Variants in PLA2G4E observed in about 807,000 individuals in gnomAD.
PLA2G4E encodes the protein phospholipase A2 group IVE.
In PLA2G4E, 84 loss-of-function variants were observed where a neutral mutation model predicts 109.1. That is an observed-to-expected ratio of 0.77 (90% CI 0.65 to 0.92). PLA2G4E has a LOEUF of 0.92. Ranked by LOEUF, PLA2G4E falls within the 40% of genes least tolerant of loss-of-function variation. The pLI, the probability that PLA2G4E is intolerant of heterozygous loss-of-function variation, is 0.00. For missense variants in PLA2G4E, 1,057 were observed against 1,076.6 expected (o/e 0.98, Z 0.25); for synonymous variants, 469 against 436.1 (o/e 1.08, Z -0.94).
intron 1 of PLA2G4E, among the ~76,000 whole-genome samples, chr15:42,028,016 T>C (rs2068707119): frequency 1.3e-5 from 2 of 152,256 alleles, no homozygotes; most frequent in South Asian, 4.1e-4. Flanking sequence ...TTGCCTGTCT[T>C]GTTCATCAGC....
At chr15:41,994,281 C>T (rs2068301141) in intron 12 of PLA2G4E, among the ~76,000 whole-genome samples, 1 of 133,012 alleles carries the variant, frequency 7.5e-6, no homozygotes, top group African/African-American at 2.9e-5. Context: ...TCTGTCTCAC[C>T]TGGGCTGGCG....
At chr15:41,995,459 G>T in exon 12 of PLA2G4E, 1 of 1,613,984 alleles carries the variant, frequency 6.2e-7, no homozygotes, top group Non-Finnish European at 8.5e-7. Flanking sequence ...CATGGATCTT[G>T]TTCCACCCCC....
intron 5 of PLA2G4E, among the ~76,000 whole-genome samples, chr15:42,004,162 C>G (rs1436288330): frequency 6.6e-6 from 1 of 152,052 alleles, no homozygotes; most frequent in Admixed American, 6.6e-5. Flanking sequence ...ATTAGCCTAG[C>G]ATGGTGGTGT....
exon 1 of PLA2G4E, chr15:42,050,528 C>T: frequency 6.5e-7 from 1 of 1,550,172 alleles, no homozygotes; most frequent in Non-Finnish European, 8.7e-7. Flanking sequence ...TACCTCAGAG[C>T]CCCAAGGAGC....
intron 1 of PLA2G4E, among the ~76,000 whole-genome samples, chr15:42,022,680 G>T (rs1249829517): frequency 7.2e-5 from 11 of 152,144 alleles, no homozygotes; most frequent in Admixed American, 7.2e-4. Flanking sequence ...GTGGGTTTCA[G>T]GTGGTAATAC....
intron 1 of PLA2G4E, among the ~76,000 whole-genome samples, chr15:42,015,062 C>G (rs1047076778): frequency 6.6e-6 from 1 of 152,126 alleles, no homozygotes; most frequent in Non-Finnish European, 1.5e-5. Flanking sequence ...GCCATCATCT[C>G]AAGCCCAGGT....
At chr15:41,990,847 G>A (rs538270867) in intron 13 of PLA2G4E, among the ~76,000 whole-genome samples, 17 of 150,204 alleles carry the variant, frequency 1.1e-4, no homozygotes, top group South Asian at 1.1e-3. Context: ...AGATCAGCCC[G>A]GGCCACAGTC....
At chr15:42,000,207 C>T (rs1031106018) in exon 8 of PLA2G4E, 2 of 1,590,928 alleles carry the variant, frequency 1.3e-6, no homozygotes, top group East Asian at 2.3e-5. Flanking sequence ...AGAGGTTGGG[C>T]AGCAGGGTTC....
At chr15:42,036,153 C>A (rs1566850605) in intron 1 of PLA2G4E, among the ~76,000 whole-genome samples, 1 of 152,178 alleles carries the variant, frequency 6.6e-6, no homozygotes, top group Non-Finnish European at 1.5e-5. Flanking sequence ...GGCGGACCAT[C>A]TGGAGCGGCC....
At chr15:42,014,988 G>A (rs1467047937) in intron 1 of PLA2G4E, among the ~76,000 whole-genome samples, 5 of 152,026 alleles carry the variant, frequency 3.3e-5, no homozygotes, top group African/African-American at 1.2e-4. Context: ...CTGCTCACGC[G>A]GTGCTGATGG....
intron 1 of PLA2G4E, among the ~76,000 whole-genome samples, chr15:42,014,162 G>C (rs929050086): frequency 1.3e-5 from 2 of 152,056 alleles, no homozygotes; most frequent in East Asian, 1.9e-4. Flanking sequence ...AAAGTGCTGG[G>C]ATTACAGGCA....
intron 2 of PLA2G4E, among the ~76,000 whole-genome samples, chr15:42,012,606 C>T (rs2068548122): frequency 6.6e-6 from 1 of 152,226 alleles, no homozygotes; most frequent in African/African-American, 2.4e-5. Context: ...GGTCCTGCCC[C>T]TCTCAGACCC....
chr15:42,041,355 G>A (rs772422524), intron 1 of PLA2G4E, among the ~76,000 whole-genome samples: 2 of 152,122 alleles, frequency 1.3e-5, no homozygotes, highest in Admixed American at 6.5e-5. Context: ...AAATAGCAGT[G>A]CCCCCATTCC....
intron 17 of PLA2G4E, among the ~76,000 whole-genome samples, chr15:41,986,353 T>C (rs965653843): frequency 9.9e-5 from 15 of 152,154 alleles, no homozygotes; most frequent in African/African-American, 3.6e-4. Flanking sequence ...CCACGGCCAA[T>C]TAAAATATTA....
intron 12 of PLA2G4E, among the ~76,000 whole-genome samples, chr15:41,994,314 G>A (rs1157070380): frequency 1.3e-5 from 2 of 151,860 alleles, no homozygotes; most frequent in Non-Finnish European, 2.9e-5. Flanking sequence ...GGGGGGGTGT[G>A]TGGCACAGGA....
intron 2 of PLA2G4E, among the ~76,000 whole-genome samples, chr15:42,011,451 A>T (rs1454501500): frequency 1.3e-5 from 2 of 152,274 alleles, no homozygotes; most frequent in African/African-American, 4.8e-5. Flanking sequence ...GGCTGGGCAT[A>T]GTGGTTCACG....
At chr15:42,010,169 C>G in intron 2 of PLA2G4E, 1 of 529,802 alleles carries the variant, frequency 1.9e-6, no homozygotes. Context: ...CCCTTCAGGT[C>G]TGTCTCCGGT....
intron 1 of PLA2G4E, among the ~76,000 whole-genome samples, chr15:42,018,988 G>A (rs2068622534): frequency 6.6e-6 from 1 of 152,232 alleles, no homozygotes; most frequent in East Asian, 1.9e-4. Flanking sequence ...CTGTGCATAT[G>A]CTCTTATCTA....
At chr15:42,000,491 A>C (rs903074334) in intron 7 of PLA2G4E, among the ~76,000 whole-genome samples, 1 of 152,232 alleles carries the variant, frequency 6.6e-6, no homozygotes, top group African/African-American at 2.4e-5. Context: ...ATGCAGACAA[A>C]CATAGTCCCC....
Sources: gnomAD v4.1 joint callset for allele counts (sites outside exome capture counted in the v4.1 genomes callset) on GRCh38, gnomAD v4.1.1 for gene constraint, MANE v1.5 for transcripts, NCBI Gene and HGNC (gene_info 2026-07-23, HGNC 2026-07-21) for gene names.